TMTC3: variants seen among roughly 807,000 people sequenced by gnomAD.
TMTC3 encodes the protein protein O-mannosyl-transferase TMTC3.
Under a neutral mutation model 92.2 loss-of-function variants are expected in TMTC3, and 52 were observed. The observed-to-expected ratio is 0.56, with a 90% CI of 0.45 to 0.71. The LOEUF (loss-of-function observed/expected upper bound fraction) is 0.71. Ranked by LOEUF, TMTC3 falls within the 30% of genes least tolerant of loss-of-function variation. The pLI, the probability that TMTC3 is intolerant of heterozygous loss-of-function variation, is 0.00. For missense variants in TMTC3, 896 were observed against 1,057.1 expected, an observed-to-expected ratio of 0.85 and a Z score of 2.11; for synonymous variants, 339 against 363.3, an observed-to-expected ratio of 0.93 and a Z score of 0.76.
At chr12:88,180,289 G>A (rs2041302894) in intron 10 of TMTC3, among the ~76,000 whole-genome samples, 1 of 152,146 alleles carries the variant, frequency 6.6e-6, no homozygotes, top group African/African-American at 2.4e-5. Context: ...CCTCAGTCCA[G>A]TGTGTGTCAT....
At chr12:88,176,515 C>A (rs886094578) in intron 10 of TMTC3, among the ~76,000 whole-genome samples, 196 bp downstream of exon 10, 1 of 152,158 alleles carries the variant, frequency 6.6e-6, no homozygotes, top group Non-Finnish European at 1.5e-5. Flanking sequence ...GTGGCTCACA[C>A]CTGTATTCCC....
chr12:88,152,490 C>T (rs919128810), intron 2 of TMTC3, among the ~76,000 whole-genome samples: 2 of 152,120 alleles, frequency 1.3e-5, no homozygotes, highest in African/African-American at 4.8e-5. Flanking sequence ...AACATCCAAA[C>T]TATGTCAATG....
At chr12:88,158,207 A>G (rs1047656335) in intron 4 of TMTC3, among the ~76,000 whole-genome samples, 4 of 152,162 alleles carry the variant, frequency 2.6e-5, no homozygotes, top group African/African-American at 7.2e-5. Flanking sequence ...TTTCAATGCT[A>G]TTATTTCCTA....
chr12:88,163,821 G>A (rs2041108852), intron 6 of TMTC3, among the ~76,000 whole-genome samples: 1 of 152,138 alleles, frequency 6.6e-6, no homozygotes, highest in South Asian at 2.1e-4. Context: ...TGAAGTTAGG[G>A]TAGACATGAA....
rs2040902213 is a variant in TMTC3, at chr12:88,148,475, A to C, written c.160A>C (p.Asn54His). ...PSTPLKTLFQ[N>H]DFWGTPMSEE... The stretch of plus-strand genomic sequence containing the variant: ...TACACCTTTAAAAACTTTATTTCAA[A>C]ATGACTTCTGGGGAACCCCTATGTC... Residue 54 changes from asparagine to histidine, a missense_variant, in exon 2 of 14, where the codon AAT becomes CAT. Physicochemically the swap from Asn to His is moderately conservative, Grantham distance 68. Transcript: ENST00000266712. 6.2e-7 allele frequency: 1 copy of C among 1,611,598 alleles called. No homozygotes were observed. Among genetic ancestry groups the C allele is most frequent in the Non-Finnish European group, 8.5e-7 (1 of 1,179,002 alleles).
intron 8 of TMTC3, 124 bp downstream of exon 8, chr12:88,172,869 T>C: frequency 2.0e-6 from 3 of 1,494,538 alleles, no homozygotes; most frequent in Non-Finnish European, 2.7e-6. Context: ...TTCATCTCCA[T>C]AGTCTCCTCA....
chr12:88,144,056 G>A (rs1018593452), intron 1 of TMTC3, among the ~76,000 whole-genome samples: 1 of 152,208 alleles, frequency 6.6e-6, no homozygotes, highest in Non-Finnish European at 1.5e-5. Context: ...CAGTGAGAAC[G>A]AGCAGACGTC....
At chr12:88,156,811 G>GT (rs56284816) in intron 4 of TMTC3, among the ~76,000 whole-genome samples, 4,077 of 136,738 alleles carry the variant, frequency 0.03, 93 homozygotes, top group African/African-American at 0.037. Flanking sequence ...GTGTGTGTGT[G>GT]TTTTTTTTTT....
At position 88,195,725 on chromosome 12, in the gene TMTC3, A is replaced by G; in HGVS notation, c.*76A>G. Reference sequence around the variant, plus strand: ...GTGATTGCTTTTACTGGGAGCTTTGAAAAAAAGTTCAAGGGTTCCTAATGG... The same window carrying G: ...GTGATTGCTTTTACTGGGAGCTTTGGAAAAAAGTTCAAGGGTTCCTAATGG... On this transcript the variant is annotated 3_prime_UTR_variant, in exon 14 of 14. Coordinates refer to ENST00000266712, the MANE Select transcript of TMTC3 (RefSeq NM_181783.4). The G allele has an allele frequency of 6.0e-6, 8 of 1,329,786 alleles. No homozygotes were observed. The highest frequency in any genetic ancestry group is 5.4e-5 in the Admixed American group (2 of 36,850). The allele number at this position is 1,329,786 out of a possible 1,614,324, so 82.4% of individuals were successfully genotyped here.
At chr12:88,158,811 G>A (rs2041040362) in intron 4 of TMTC3, among the ~76,000 whole-genome samples, 1 of 152,054 alleles carries the variant, frequency 6.6e-6, no homozygotes. Context: ...CAGCACTTTG[G>A]GAGGCCGAGG....
At position 88,147,690 on chromosome 12, in the gene TMTC3, A is replaced by G. The variant is rs77722617; in HGVS notation, c.-28-598A>G. 8.2e-3 allele frequency among the ~76,000 whole-genome samples: 1,251 copies of G among 152,190 alleles called. 7 individuals carry two copies. The highest frequency in any genetic ancestry group is 0.012 in the Non-Finnish European group (847 of 67,986). On this transcript the variant is annotated intron_variant, in intron 1 of 13. Transcript: ENST00000266712. ...TTTAGTTTAGAAATCAATATGCCTC[A>G]GAAGTTTGAAGCATTACTCCTTTTT...
rs1322866823 is a variant in TMTC3, at chr12:88,195,139, T to C, written c.2235T>C (p.Ile745=). 1.2e-6 allele frequency: 2 copies of C among 1,613,732 alleles called. No individual in the cohort carries two copies. Among genetic ancestry groups the C allele is most frequent in the African/African-American group, 1.3e-5 (1 of 74,908 alleles). The change falls in exon 14 of 14, where the codon ATT becomes ATC. Residue 745 remains isoleucine (I), a synonymous_variant. Transcript: ENST00000266712. The stretch of plus-strand genomic sequence containing the variant: ...AGGGCCTCATTTTAAAAGGAGACAT[T>C]CTGATGAATCAAAAGAAAGATATAC... ...HIKGLILKGD[I]LMNQKKDILG... is the part of the protein sequence containing the mutation.
chr12:88,197,651 A>G lies in TMTC3; in HGVS notation c.*2002A>G, dbSNP rs914249640. ...TGATAAAAATGTATCAATGTTATCC[A>G]ATGATTTTTATTAAAAAATTACCTT... On this transcript the variant is annotated 3_prime_UTR_variant, in exon 14 of 14. Coordinates refer to ENST00000266712, the MANE Select transcript of TMTC3 (RefSeq NM_181783.4). 6.6e-5 allele frequency: 10 copies of G among 152,112 alleles called. No individual in the cohort carries two copies. In the East Asian group the frequency reaches 1.9e-3, roughly 29 times the overall value. 9.4% of individuals were successfully genotyped at this position (152,112 alleles called of 1,614,324 possible).
intron 6 of TMTC3, among the ~76,000 whole-genome samples, chr12:88,165,166 G>A (rs916695679): frequency 6.6e-6 from 1 of 151,974 alleles, no homozygotes; most frequent in African/African-American, 2.4e-5. Context: ...TCCAAATAAA[G>A]CATTTCAACA....
intron 10 of TMTC3, among the ~76,000 whole-genome samples, chr12:88,181,483 A>G (rs1227511318): frequency 6.6e-6 from 1 of 151,892 alleles, no homozygotes; most frequent in Non-Finnish European, 1.5e-5. Flanking sequence ...AATTGATGCA[A>G]TTGGGTGGTT....
At chr12:88,188,105 A>T (rs2041399351) in intron 10 of TMTC3, among the ~76,000 whole-genome samples, 1 of 152,194 alleles carries the variant, frequency 6.6e-6, no homozygotes, top group Non-Finnish European at 1.5e-5. Context: ...ATTAATTTTA[A>T]GGAGTTAATT....
intron 1 of TMTC3, among the ~76,000 whole-genome samples, chr12:88,142,771 A>G (rs2040763116): frequency 6.6e-6 from 1 of 152,194 alleles, no homozygotes; most frequent in Non-Finnish European, 1.5e-5. Context: ...AAGAATTGAC[A>G]AGAGGTCTCG....
At chr12:88,151,511 A>ATCT (rs1400674466) in intron 2 of TMTC3, among the ~76,000 whole-genome samples, 1 of 152,182 alleles carries the variant, frequency 6.6e-6, no homozygotes, top group Non-Finnish European at 1.5e-5. Context: ...TAAACTTAGT[A>ATCT]TCTAATAGGC....
At chr12:88,169,310 A>G (rs1382389926) in intron 7 of TMTC3, among the ~76,000 whole-genome samples, 1 of 152,188 alleles carries the variant, frequency 6.6e-6, no homozygotes, top group East Asian at 1.9e-4. Flanking sequence ...ACGGTAGAAT[A>G]CATCTAAAGC....
Sources: allele counts gnomAD v4.1 joint callset (sites outside exome capture counted in the v4.1 genomes callset), GRCh38; gene constraint gnomAD v4.1.1; transcripts MANE v1.5; gene names NCBI Gene and HGNC (gene_info 2026-07-23, HGNC 2026-07-21).